Variants in RASGRP1 observed in about 807,000 individuals in gnomAD.
RASGRP1 encodes RAS guanyl-releasing protein 1.
A neutral mutation model predicts 95.1 loss-of-function variants in RASGRP1; 37 were observed. That is an observed-to-expected ratio of 0.39 (90% CI 0.30 to 0.51). The LOEUF (loss-of-function observed/expected upper bound fraction) is 0.51. Ranked by LOEUF, RASGRP1 falls within the 20% of genes least tolerant of loss-of-function variation. The pLI, the probability that RASGRP1 is intolerant of heterozygous loss-of-function variation, is 0.80. For missense variants in RASGRP1, 711 were observed against 965.4 expected (o/e 0.74, Z 3.49); for synonymous variants, 325 against 353.4 (o/e 0.92, Z 0.90).
intron 2 of RASGRP1, among the ~76,000 whole-genome samples, chr15:38,530,094 C>T (rs1368837185): frequency 6.6e-6 from 1 of 152,184 alleles, no homozygotes; most frequent in Non-Finnish European, 1.5e-5. Flanking sequence ...AACTCAGTGC[C>T]TTAAAACAGT....
At chr15:38,509,777 A>T (rs546608160) in intron 8 of RASGRP1, among the ~76,000 whole-genome samples, 6 of 152,134 alleles carry the variant, frequency 3.9e-5, no homozygotes, top group East Asian at 3.9e-4. Context: ...TTTCCATTAA[A>T]TTTTTTTTGG....
intron 10 of RASGRP1, chr15:38,504,168 A>C (rs1365611078): frequency 6.6e-6 from 1 of 152,188 alleles, no homozygotes; most frequent in Non-Finnish European, 1.5e-5. Flanking sequence ...TTACTGTGGC[A>C]AGTCGTGAGT....
rs776669769 is a variant in RASGRP1, at chr15:38,501,425, T to C, written c.1539-138A>G. ...ATGGTATGTGCTACCTCATGATTAC[T>C]TCCATGGGCCCTACTCTTAACAAGG... On this transcript the variant is annotated intron_variant, in intron 12 of 16. Transcript: ENST00000310803. The C allele has an allele frequency of 3.8e-5, 37 of 977,176 alleles. 1 individual carries two copies. In the East Asian group the frequency reaches 8.8e-4, roughly 23 times the overall value. The allele number at this position is 977,176 out of a possible 1,614,324, so 60.5% of individuals were successfully genotyped here. A position where few individuals can be genotyped will look rare whatever the true frequency, so the allele number is the denominator to read the frequency against.
At chr15:38,502,475 C>T (rs1479358475) in intron 11 of RASGRP1, 54 bp from the exon 12 acceptor site, 1 of 1,126,394 alleles carries the variant, frequency 8.9e-7, no homozygotes, top group Middle Eastern at 2.0e-4. Flanking sequence ...GTCTTCTCTC[C>T]CTTTAGTCAA....
chr15:38,546,885 T>C (rs1024479366), intron 2 of RASGRP1, among the ~76,000 whole-genome samples: 3 of 152,178 alleles, frequency 2.0e-5, no homozygotes, highest in Non-Finnish European at 4.4e-5. Context: ...ATCCAGAACA[T>C]ATAGGAAGCA....
chr15:38,549,904 G>GT (rs1893260773), intron 2 of RASGRP1, among the ~76,000 whole-genome samples: 1 of 152,038 alleles, frequency 6.6e-6, no homozygotes, highest in African/African-American at 2.4e-5. Flanking sequence ...AATCACAGAT[G>GT]TACCAAATCT....
At chr15:38,500,339 G>GT (rs147822101) in intron 13 of RASGRP1, among the ~76,000 whole-genome samples, 200 bp from the exon 14 acceptor site, 15,449 of 148,546 alleles carry the variant, frequency 0.1, 1,842 homozygotes, top group African/African-American at 0.3. Flanking sequence ...CAAGAAGCAG[G>GT]TTTTTTTTGT....
chr15:38,559,755 G>A, intron 2 of RASGRP1, 66 bp downstream of exon 2: 1 of 1,478,886 alleles, frequency 6.8e-7, no homozygotes, highest in Admixed American at 1.8e-5. Context: ...GTTCCGTAAA[G>A]CACTTTTAAA....
chr15:38,543,985 G>A (rs769264599), intron 2 of RASGRP1, among the ~76,000 whole-genome samples: 5 of 152,028 alleles, frequency 3.3e-5, no homozygotes, highest in African/African-American at 7.3e-5. Flanking sequence ...GGCATTGTAA[G>A]TGCAATATTG....
At chr15:38,537,798 G>A (rs569370095) in intron 2 of RASGRP1, among the ~76,000 whole-genome samples, 39 of 152,220 alleles carry the variant, frequency 2.6e-4, no homozygotes, top group African/African-American at 8.2e-4. Flanking sequence ...GGTTTTAAGC[G>A]CACTCCCCCA....
chr15:38,495,777 C>T (rs533188593), intron 15 of RASGRP1, among the ~76,000 whole-genome samples: 3 of 151,900 alleles, frequency 2.0e-5, no homozygotes, highest in African/African-American at 4.8e-5. Flanking sequence ...AAAATAATTA[C>T]ATTTTTTTTT....
At chr15:38,563,739 AG>A (rs1171356642) in intron 1 of RASGRP1, among the ~76,000 whole-genome samples, 3 of 152,196 alleles carry the variant, frequency 2.0e-5, no homozygotes, top group Non-Finnish European at 2.9e-5. Flanking sequence ...GCGTGCATAC[AG>A]GGCCAAGAAT....
In RASGRP1 at chr15:38,511,700, G is replaced by A; in HGVS notation, c.870C>T (p.Asn290=). 2 of 1,613,520 alleles carry A rather than the reference G, an allele frequency of 1.2e-6. No individual in the cohort carries two copies. The highest frequency in any genetic ancestry group is 2.2e-5 in the South Asian group (2 of 91,074). The change falls in exon 8 of 17, where the codon AAC becomes AAT. Residue 290 remains asparagine, a synonymous_variant. Transcript: ENST00000310803. The stretch of plus-strand genomic sequence containing the variant: ...CTATCACAGCCATCAGTGTATTGAA[G>A]TTCTGTAGTTGGTGGAGCTTCTGTG... The part of the protein sequence containing the change: ...QVAQKLHQLQ[N]FNTLMAVIGG...
intron 2 of RASGRP1, among the ~76,000 whole-genome samples, chr15:38,526,793 T>C (rs1285184708): frequency 6.6e-6 from 1 of 152,126 alleles, no homozygotes; most frequent in African/African-American, 2.4e-5. Flanking sequence ...TGGTTTTTAA[T>C]AGATTGCAGT....
intron 8 of RASGRP1, among the ~76,000 whole-genome samples, chr15:38,510,343 G>A (rs1348555338): frequency 2.0e-5 from 3 of 152,216 alleles, no homozygotes; most frequent in Non-Finnish European, 2.9e-5. Flanking sequence ...CAGCAGAACC[G>A]TTAAGGAATG....
rs1893084200 is a variant in RASGRP1 at position 38,545,834 on chromosome 15, A to G, written c.220+13987T>C. On this transcript the variant is annotated intron_variant, in intron 2 of 16. Transcript: ENST00000310803. Reference sequence around the variant, plus strand: ...TGAAATACTCCATATTATTTCTAATAAATTCCCAAAGATAGTTCTGGTTGG... The same window carrying G: ...TGAAATACTCCATATTATTTCTAATGAATTCCCAAAGATAGTTCTGGTTGG... Among the ~76,000 whole-genome samples the G allele has an allele frequency of 5.3e-5, 8 of 152,354 alleles. No homozygotes were observed. The South Asian group carries it at 1.7e-3, about 32-fold the overall frequency.
At chr15:38,553,543 A>G (rs1434290900) in intron 2 of RASGRP1, among the ~76,000 whole-genome samples, 1 of 152,130 alleles carries the variant, frequency 6.6e-6, no homozygotes, top group Non-Finnish European at 1.5e-5. Context: ...ACCCATGGGG[A>G]CGGGCATAAG....
At chr15:38,515,920 T>A (rs1891758224) in intron 6 of RASGRP1, among the ~76,000 whole-genome samples, 2 of 150,836 alleles carry the variant, frequency 1.3e-5, no homozygotes, top group South Asian at 2.1e-4. Context: ...AGTGTGTGTG[T>A]GTGTGTGTGA....
At chr15:38,558,765 T>G (rs986466855) in intron 2 of RASGRP1, among the ~76,000 whole-genome samples, 5 of 152,262 alleles carry the variant, frequency 3.3e-5, no homozygotes, top group African/African-American at 1.2e-4. Context: ...TACATTGTAC[T>G]AAATGAATAT....
Sources: allele counts gnomAD v4.1 joint callset (sites outside exome capture counted in the v4.1 genomes callset), GRCh38; gene constraint gnomAD v4.1.1; transcripts MANE v1.5; gene names NCBI Gene and HGNC (gene_info 2026-07-23, HGNC 2026-07-21).